The following SPRED2 variants were observed in gnomAD, a reference collection of about 807,000 sequenced individuals.
SPRED2 encodes the protein sprouty related EVH1 domain containing 2.
SPRED2 carries 47 observed loss-of-function variants against 43.0 expected under a neutral mutation model. That is an observed-to-expected ratio of 1.09 (90% CI 0.87 to 1.40). The LOEUF (loss-of-function observed/expected upper bound fraction) is 1.40, where lower values mean the gene tolerates loss of function less well. Ranked by LOEUF, SPRED2 falls within the 40% of genes most tolerant of loss-of-function variation. The pLI, the probability that SPRED2 is intolerant of heterozygous loss-of-function variation, is 0.00. For synonymous variants in SPRED2, 225 were observed against 225.7 expected, an observed-to-expected ratio of 1.00 and a Z score of 0.03; for missense variants, 561 against 586.4, an observed-to-expected ratio of 0.96 and a Z score of 0.45.
chr2:65,318,289 G>A (rs1044896726), intron 4 of SPRED2, among the ~76,000 whole-genome samples: 1 of 151,984 alleles, frequency 6.6e-6, no homozygotes, highest in African/African-American at 2.4e-5. Context: ...AAAATTGCCC[G>A]GTCTCCGGTA....
Position 65,317,637 on chromosome 2 carries a change from G to A in SPRED2, c.439-754C>T, listed in dbSNP as rs926107860. ...AGGTGTTATGGCAAGCAGGGAAGAC[G>A]CACACAGGCAAAAATGAAACCCACG... On this transcript the variant is annotated intron_variant, in intron 4 of 5. Transcript: ENST00000356388. 3.9e-5 allele frequency among the ~76,000 whole-genome samples: 6 copies of A among 152,118 alleles called. No individual in the cohort carries two copies. In the South Asian group the frequency reaches 8.3e-4, roughly 21 times the overall value.
intron 4 of SPRED2, among the ~76,000 whole-genome samples, chr2:65,321,451 C>A (rs572848147): frequency 2.2e-4 from 30 of 137,952 alleles, no homozygotes; most frequent in Non-Finnish European, 3.2e-4. Flanking sequence ...GTAGGAGGAT[C>A]GCTTGAAGTC....
rs961507057 is a variant in SPRED2 at position 65,432,341 on chromosome 2, CGAG to C, written c.-357_-355del. On this transcript the variant is annotated 5_prime_UTR_variant, in exon 1 of 6. Transcript: ENST00000356388. ...CGCCTCGGAGCGGCAGGGACTGCTG[CGAG>C]GAGGAGGAGAGCGCCGGCCGCGGGT... 2.6e-5 allele frequency among the ~76,000 whole-genome samples: 3 copies of C among 116,708 alleles called. No individual in the cohort carries two copies. Among genetic ancestry groups the C allele is most frequent in the African/African-American group, 6.7e-5 (2 of 29,726 alleles). 76.6% of individuals were successfully genotyped at this position (116,708 alleles called of 152,430 possible).
intron 1 of SPRED2, among the ~76,000 whole-genome samples, chr2:65,347,544 C>T (rs976001931): frequency 1.3e-5 from 2 of 152,092 alleles, no homozygotes; most frequent in African/African-American, 4.8e-5. Flanking sequence ...AGACCTTTCG[C>T]CTGTGCCCAC....
chr2:65,331,708 T>C (rs757266258), intron 4 of SPRED2, among the ~76,000 whole-genome samples: 5 of 152,146 alleles, frequency 3.3e-5, no homozygotes, highest in Non-Finnish European at 7.4e-5. Flanking sequence ...CAGCTGGTCA[T>C]CCTAAATCTG....
At chr2:65,380,631 C>T (rs1340527790) in intron 1 of SPRED2, 1 of 152,172 alleles carries the variant, frequency 6.6e-6, no homozygotes, top group Admixed American at 6.5e-5. Flanking sequence ...CTTACTAGTG[C>T]CAAGTATGGC....
intron 1 of SPRED2, among the ~76,000 whole-genome samples, chr2:65,366,308 C>T (rs1043042808): frequency 2.0e-5 from 3 of 151,996 alleles, no homozygotes; most frequent in Non-Finnish European, 4.4e-5. Flanking sequence ...TAATAAAAAA[C>T]AACAACAACA....
chr2:65,389,340 T>A (rs1449130833), intron 1 of SPRED2, among the ~76,000 whole-genome samples: 1 of 151,328 alleles, frequency 6.6e-6, no homozygotes, highest in Admixed American at 6.6e-5. Flanking sequence ...ACTTTTACAG[T>A]GGAGAAACAG....
chr2:65,429,909 C>G (rs1167190622), intron 1 of SPRED2, among the ~76,000 whole-genome samples: 3 of 152,202 alleles, frequency 2.0e-5, no homozygotes, highest in African/African-American at 7.2e-5. Flanking sequence ...TCTTTCCTCG[C>G]TGGTGATCCC....
At chr2:65,429,146 A>C (rs1676622091) in intron 1 of SPRED2, among the ~76,000 whole-genome samples, 2 of 152,184 alleles carry the variant, frequency 1.3e-5, no homozygotes. Context: ...AAAACAAAAC[A>C]TTATTTTTTT....
At chr2:65,337,098 A>G (rs1429444428) in intron 2 of SPRED2, among the ~76,000 whole-genome samples, 1 of 151,750 alleles carries the variant, frequency 6.6e-6, no homozygotes, top group Admixed American at 6.6e-5. Context: ...AAAGAGCAAG[A>G]CTCTGTCTCA....
chr2:65,315,867 C>T (rs1673217337), intron 5 of SPRED2, among the ~76,000 whole-genome samples: 1 of 152,200 alleles, frequency 6.6e-6, no homozygotes, highest in East Asian at 1.9e-4. Flanking sequence ...ACCGTGTTAA[C>T]CAGGATGGTC....
intron 5 of SPRED2, among the ~76,000 whole-genome samples, chr2:65,316,277 G>A (rs545463796): frequency 1.4e-4 from 21 of 152,326 alleles, no homozygotes; most frequent in African/African-American, 2.9e-4. Context: ...CTGGGGGCTC[G>A]AGCCAAGTGT....
intron 1 of SPRED2, among the ~76,000 whole-genome samples, chr2:65,405,724 C>T (rs1009526863): frequency 5.3e-5 from 8 of 152,110 alleles, no homozygotes; most frequent in African/African-American, 1.9e-4. Context: ...TAACAATGTT[C>T]AGACATTTGG....
chr2:65,353,326 T>C (rs769955812), intron 1 of SPRED2, among the ~76,000 whole-genome samples: 1 of 152,212 alleles, frequency 6.6e-6, no homozygotes, highest in South Asian at 2.1e-4. Context: ...GCCGAGCATC[T>C]TTGTTGTTCA....
chr2:65,430,635 C>T (rs1467510572), intron 1 of SPRED2, among the ~76,000 whole-genome samples: 3 of 152,160 alleles, frequency 2.0e-5, no homozygotes, highest in Non-Finnish European at 4.4e-5. Context: ...CTGGGGCCTC[C>T]GGAGCACGCC....
rs58121238 is a variant in SPRED2, at chr2:65,346,858, G to T, written c.27-1962C>A. 2.2e-3 allele frequency among the ~76,000 whole-genome samples: 341 copies of T among 152,198 alleles called. 4 individuals are homozygous for T. Among genetic ancestry groups the T allele is most frequent in the African/African-American group, 8.0e-3 (333 of 41,516 alleles). On this transcript the variant is annotated intron_variant, in intron 1 of 5. Coordinates refer to ENST00000356388, the MANE Select transcript of SPRED2 (RefSeq NM_181784.3). ...CATTCCTTGAAGACTTCAGCAACCA[G>T]GCTCACTGACTCTCCATCTCTCCAC...
chr2:65,322,229 C>CCTCTCTCTCT (rs71905140), intron 4 of SPRED2, among the ~76,000 whole-genome samples: 14 of 61,298 alleles, frequency 2.3e-4, no homozygotes, highest in Non-Finnish European at 3.1e-4. Context: ...GGTCTCCTTT[C>CCTCTCTCTCT]CTCTCTCTCT....
downstream of SPRED2, among the ~76,000 whole-genome samples, chr2:65,307,614 ACTGT>A (rs1281430293): frequency 2.0e-5 from 3 of 152,068 alleles, no homozygotes. Context: ...TCACATAATA[ACTGT>A]CTTTTTCCTC....
Sources: allele counts gnomAD v4.1 joint callset (sites outside exome capture counted in the v4.1 genomes callset), GRCh38; gene constraint gnomAD v4.1.1; transcripts MANE v1.5; gene names NCBI Gene and HGNC (gene_info 2026-07-23, HGNC 2026-07-21).